Variants in AGBL4 observed in about 807,000 individuals in gnomAD.
AGBL4 encodes the protein AGBL carboxypeptidase 4.
In AGBL4, 58 loss-of-function variants were observed where a neutral mutation model predicts 66.4. The ratio of observed to expected loss-of-function variants is 0.87; its 90% confidence interval spans 0.71 to 1.09. The LOEUF (loss-of-function observed/expected upper bound fraction) is 1.09, where lower values mean the gene tolerates loss of function less well. Among genes scored for constraint, AGBL4 ranks in the 50% least tolerant of loss-of-function variants. The probability of loss-of-function intolerance (pLI) is 0.00; values close to 1 mark genes in which losing one functional copy is unlikely to be tolerated. For missense variants in AGBL4, 579 were observed against 631.0 expected (o/e 0.92, Z 0.88); for synonymous variants, 234 against 222.9 (o/e 1.05, Z -0.44).
At chr1:49,713,772 T>G (rs1374412557) in intron 2 of AGBL4, among the ~76,000 whole-genome samples, 1 of 151,990 alleles carries the variant, frequency 6.6e-6, no homozygotes, top group Non-Finnish European at 1.5e-5. Flanking sequence ...GGAGGAACAA[T>G]GTAAAATTTC....
intron 3 of AGBL4, among the ~76,000 whole-genome samples, chr1:49,446,835 C>T (rs951780801): frequency 6.6e-6 from 1 of 152,154 alleles, no homozygotes; most frequent in African/African-American, 2.4e-5. Context: ...GACTCCAAAG[C>T]CCATTCTCTG....
chr1:49,843,980 T>C (rs528899468), intron 2 of AGBL4, among the ~76,000 whole-genome samples: 1 of 152,152 alleles, frequency 6.6e-6, no homozygotes, highest in South Asian at 2.1e-4. Context: ...TATATTGAGG[T>C]CTTGCTATGG....
At chr1:49,657,958 A>G (rs1014206055) in intron 3 of AGBL4, among the ~76,000 whole-genome samples, 1 of 152,234 alleles carries the variant, frequency 6.6e-6, no homozygotes, top group Non-Finnish European at 1.5e-5. Context: ...CAAGGACTTC[A>G]TGTCTAAAAC....
At chr1:49,515,725 C>T (rs1212128287) in intron 3 of AGBL4, among the ~76,000 whole-genome samples, 3 of 151,758 alleles carry the variant, frequency 2.0e-5, no homozygotes, top group Non-Finnish European at 4.4e-5. Flanking sequence ...ATGATGAGTT[C>T]ATGTCCTCTG....
At chr1:49,690,045 T>C (rs1264557230) in intron 3 of AGBL4, among the ~76,000 whole-genome samples, 1 of 152,108 alleles carries the variant, frequency 6.6e-6, no homozygotes, top group Non-Finnish European at 1.5e-5. Context: ...AGCACCCTGA[T>C]CAGTCAGCAG....
chr1:49,004,111 G>A (rs1661596721), intron 5 of AGBL4, among the ~76,000 whole-genome samples: 1 of 152,160 alleles, frequency 6.6e-6, no homozygotes, highest in African/African-American at 2.4e-5. Flanking sequence ...CCTTCATTGA[G>A]CCTCCCTCTC....
chr1:48,987,411 C>G (rs1247992616), intron 5 of AGBL4, among the ~76,000 whole-genome samples: 1 of 151,744 alleles, frequency 6.6e-6, no homozygotes, highest in Admixed American at 6.6e-5. Context: ...AGAATATTAC[C>G]AGGGATAAAG....
At chr1:48,529,046 C>A (rs1643893237), downstream of AGBL4, among the ~76,000 whole-genome samples, 1 of 151,952 alleles carries the variant, frequency 6.6e-6, no homozygotes, top group African/African-American at 2.4e-5. Context: ...TTTTGGGTGA[C>A]CTCACTCTCA....
At chr1:49,409,476 A>G (rs1268571899) in intron 3 of AGBL4, among the ~76,000 whole-genome samples, 1 of 152,136 alleles carries the variant, frequency 6.6e-6, no homozygotes, top group East Asian at 1.9e-4. Flanking sequence ...GAAGTATATA[A>G]TTTGTATTAA....
intron 2 of AGBL4, among the ~76,000 whole-genome samples, chr1:49,732,876 T>C (rs1649561478): frequency 6.6e-6 from 1 of 152,102 alleles, no homozygotes; most frequent in Non-Finnish European, 1.5e-5. Context: ...TTCTAAAATC[T>C]AGTAAAAAAC....
intron 5 of AGBL4, among the ~76,000 whole-genome samples, chr1:49,041,053 G>A (rs1643928562): frequency 6.6e-6 from 1 of 151,900 alleles, no homozygotes; most frequent in Non-Finnish European, 1.5e-5. Flanking sequence ...GGTTTAAAAG[G>A]GGCTACTGGT....
At chr1:48,710,929 C>CAAAAAAAAAAAAAAAAAA (rs1557895437) in intron 6 of AGBL4, among the ~76,000 whole-genome samples, 1 of 152,168 alleles carries the variant, frequency 6.6e-6, no homozygotes, top group African/African-American at 2.4e-5. Flanking sequence ...AGATCCAGCT[C>CAAAAAAAAAAAAAAAAAA]AGACATTACC....
chr1:49,812,133 C>A (rs1418830179), intron 2 of AGBL4, among the ~76,000 whole-genome samples: 4 of 152,096 alleles, frequency 2.6e-5, no homozygotes. Flanking sequence ...AATGAGAAAA[C>A]TAAAATTCTT....
intron 3 of AGBL4, among the ~76,000 whole-genome samples, chr1:49,532,347 A>C (rs908140511): frequency 4.6e-5 from 7 of 152,152 alleles, no homozygotes; most frequent in Admixed American, 3.3e-4. Flanking sequence ...AATCAAATGG[A>C]TACAAAAGAG....
intron 11 of AGBL4, among the ~76,000 whole-genome samples, chr1:48,578,060 A>C (rs1644681723): frequency 6.6e-6 from 1 of 152,102 alleles, no homozygotes; most frequent in African/African-American, 2.4e-5. Context: ...CCTGCTTGTG[A>C]AATGGAGATA....
chr1:49,122,653 T>C (rs1242682820), intron 4 of AGBL4, among the ~76,000 whole-genome samples: 2 of 152,186 alleles, frequency 1.3e-5, no homozygotes, highest in African/African-American at 4.8e-5. Flanking sequence ...TAATCCTAAC[T>C]CCCTCTTTTA....
At chr1:49,555,506 C>G (rs1039946375) in intron 3 of AGBL4, among the ~76,000 whole-genome samples, 1 of 149,580 alleles carries the variant, frequency 6.7e-6, no homozygotes, top group Non-Finnish European at 1.5e-5. Flanking sequence ...GCTTTTGTGT[C>G]TAGCTAAAGG....
At chr1:49,799,329 C>T (rs980640706) in intron 2 of AGBL4, among the ~76,000 whole-genome samples, 1 of 152,072 alleles carries the variant, frequency 6.6e-6, no homozygotes, top group African/African-American at 2.4e-5. Flanking sequence ...GGAGATTTTC[C>T]AAAATACGTA....
chr1:49,358,641 G>T (rs758467075), intron 3 of AGBL4, among the ~76,000 whole-genome samples: 6 of 152,036 alleles, frequency 3.9e-5, no homozygotes, highest in African/African-American at 1.4e-4. Context: ...ATTGGTTAGC[G>T]CTGAACATTT....
Sources: allele counts gnomAD v4.1 joint callset (sites outside exome capture counted in the v4.1 genomes callset), GRCh38; gene constraint gnomAD v4.1.1; transcripts MANE v1.5; gene names NCBI Gene and HGNC (gene_info 2026-07-23, HGNC 2026-07-21).